NDUFA10: variants seen among roughly 807,000 people sequenced by gnomAD.
The protein encoded by NDUFA10 is NADH:ubiquinone oxidoreductase subunit A10.
NDUFA10 carries 40 observed loss-of-function variants against 47.8 expected under a neutral mutation model. The ratio of observed to expected loss-of-function variants is 0.84; its 90% confidence interval spans 0.65 to 1.09. The LOEUF (loss-of-function observed/expected upper bound fraction) is 1.09. Ranked by LOEUF, NDUFA10 falls within the 50% of genes least tolerant of loss-of-function variation. NDUFA10 has a pLI of 0.00. For missense variants in NDUFA10, 413 were observed against 451.1 expected (o/e 0.92, Z 0.76); for synonymous variants, 183 against 172.2 (o/e 1.06, Z -0.49).
At chr2:239,968,690 C>A (rs66597274) in intron 9 of NDUFA10, among the ~76,000 whole-genome samples, 1 of 152,068 alleles carries the variant, frequency 6.6e-6, no homozygotes, top group African/African-American at 2.4e-5. Flanking sequence ...GGGACCCACT[C>A]GGTCTCTGGC....
chr2:239,911,680 C>CGT (rs112686987), intron 4 of NDUFA10, among the ~76,000 whole-genome samples: 3,154 of 149,828 alleles, frequency 0.021, 74 homozygotes, highest in African/African-American at 0.059. Context: ...AGTGTGTGTG[C>CGT]GTGTGTGTGT....
intron 9 of NDUFA10, among the ~76,000 whole-genome samples, chr2:239,973,862 A>G (rs1695402546): frequency 6.6e-6 from 1 of 152,290 alleles, no homozygotes. Context: ...AAACATGTTC[A>G]TATATATTGC....
chr2:239,928,037 A>G lies in NDUFA10; in HGVS notation c.295-32723T>C, dbSNP rs1694094225. Among the ~76,000 whole-genome samples the G allele has an allele frequency of 6.7e-6, 1 of 148,304 alleles. No individual in the cohort carries two copies. Among genetic ancestry groups the G allele is most frequent in the South Asian group, 2.1e-4 (1 of 4,798 alleles). The stretch of plus-strand genomic sequence containing the variant: ...GTTAAAAGCAAAGACACAAAACACC[A>G]GTACCCAGGTAAAGAGCGACTGAAG... On this transcript the variant is annotated intron_variant, in intron 4 of 5. Transcript: ENST00000419408. This position sits in a 1 kb window ranked among gnomAD's most constrained non-coding sequence, Gnocchi z 4.3.
chr2:239,962,722 C>G (rs992908548), intron 9 of NDUFA10, among the ~76,000 whole-genome samples: 3 of 152,152 alleles, frequency 2.0e-5, no homozygotes, highest in Admixed American at 1.3e-4. Flanking sequence ...ATGGTGCCAG[C>G]ATCTGCTTCT....
intron 9 of NDUFA10, chr2:239,973,422 C>G (rs1695379562): frequency 2.3e-6 from 1 of 442,090 alleles, no homozygotes; most frequent in African/African-American, 2.1e-5. Flanking sequence ...TTAATAAAAA[C>G]ATCTCTGTTT....
intron 4 of NDUFA10, among the ~76,000 whole-genome samples, chr2:239,932,611 G>A (rs943848494): frequency 1.3e-5 from 2 of 151,062 alleles, no homozygotes; most frequent in South Asian, 2.1e-4. Context: ...ACGGAGTCTC[G>A]CTCTGTCGCC....
chr2:239,993,334 A>G (rs1696329651), intron 8 of NDUFA10, among the ~76,000 whole-genome samples: 1 of 152,262 alleles, frequency 6.6e-6, no homozygotes, highest in Non-Finnish European at 1.5e-5. Context: ...ACTAACAAAC[A>G]AGGATACCAT....
chr2:240,008,012 T>G lies in NDUFA10; in HGVS notation c.750-642A>C, dbSNP rs10201992. The stretch of plus-strand genomic sequence containing the variant: ...TTATTCTCATACTGAAATCAGCATC[T>G]GACCCCTACAATGGTACCAAACAAA... On this transcript the variant is annotated intron_variant, in intron 6 of 9. Coordinates refer to ENST00000252711, the MANE Select transcript of NDUFA10 (RefSeq NM_004544.4). Among the ~76,000 whole-genome samples the G allele has an allele frequency of 3.4e-3, 517 of 152,340 alleles. 5 individuals carry two copies. Among genetic ancestry groups the G allele is most frequent in the African/African-American group, 0.012 (504 of 41,582 alleles).
intron 4 of NDUFA10, among the ~76,000 whole-genome samples, chr2:239,933,725 T>C (rs1694216627): frequency 6.6e-6 from 1 of 151,870 alleles, no homozygotes; most frequent in Non-Finnish European, 1.5e-5. Context: ...ATCTAAGGAA[T>C]GATATGTAGG....
Position 240,014,818 on chromosome 2 carries a change from T to A in NDUFA10, c.590A>T (p.Asp197Val). The A allele has an allele frequency of 2.5e-6, 4 of 1,614,158 alleles. No individual in the cohort carries two copies. The highest frequency in any genetic ancestry group is 3.4e-6 in the Non-Finnish European group (4 of 1,180,018). Residue 197 changes from aspartate to valine, a missense_variant, in exon 5 of 10, where the codon GAT becomes GTT. Transcript: ENST00000252711. The part of the protein sequence containing the change: ...YNEVKSVTIC[D>V]YLPPHLVIYI... ...AATCACCAGGTGGGGGGGCAGGTAATCGCAGATGGTGACGCTCTTCACCTC... is the reference window on the plus strand; with the variant it reads ...AATCACCAGGTGGGGGGGCAGGTAAACGCAGATGGTGACGCTCTTCACCTC...
At chr2:239,926,841 G>A (rs1411585109) in intron 4 of NDUFA10, among the ~76,000 whole-genome samples, 1 of 152,158 alleles carries the variant, frequency 6.6e-6, no homozygotes, top group Non-Finnish European at 1.5e-5. Flanking sequence ...AAGGAAAGAG[G>A]TTTAATGGAC....
chr2:240,013,155 T>C (rs1372140767), intron 5 of NDUFA10: 1 of 152,240 alleles, frequency 6.6e-6, no homozygotes, highest in Non-Finnish European at 1.5e-5. Context: ...ACTGTTTTCT[T>C]AGAATCTAGA....
In NDUFA10 at chr2:239,947,977, C is replaced by T. The variant is rs552224988; in HGVS notation, c.294+42097G>A. 2.6e-5 allele frequency among the ~76,000 whole-genome samples: 4 copies of T among 152,282 alleles called. No individual in the cohort carries two copies. The South Asian group carries it at 8.3e-4, about 32-fold the overall frequency. ...TGGAGGTCACATGTGCATAGGTGGC[C>T]CTGCCCTTCAAGCTGGTCTTCCGAG... is the stretch of plus-strand genomic sequence containing the variant. On this transcript the variant is annotated intron_variant, in intron 4 of 5. Transcript: ENST00000419408.
chr2:240,019,818 C>CAAAAAAAAAAAA (rs60278142), intron 3 of NDUFA10, among the ~76,000 whole-genome samples: 4 of 12,208 alleles, frequency 3.3e-4, no homozygotes, highest in Admixed American at 1.3e-3. Flanking sequence ...GACTCCGTCT[C>CAAAAAAAAAAAA]AAAAAAAAAA....
intron 4 of NDUFA10, among the ~76,000 whole-genome samples, chr2:239,907,898 C>T (rs377093634): frequency 0.015 from 2,221 of 151,956 alleles, 66 homozygotes; most frequent in African/African-American, 0.051. Flanking sequence ...CATTACTGGG[C>T]ATATACCCAA....
At chr2:239,907,245 T>C (rs1286193134) in intron 4 of NDUFA10, among the ~76,000 whole-genome samples, 3 of 152,216 alleles carry the variant, frequency 2.0e-5, no homozygotes, top group Non-Finnish European at 4.4e-5. Flanking sequence ...TTACACCTTA[T>C]ACAAAAATTA....
intron 9 of NDUFA10, chr2:239,982,150 G>C (rs1214531121): frequency 6.2e-7 from 1 of 1,612,694 alleles, no homozygotes; most frequent in East Asian, 2.2e-5. Flanking sequence ...CACCTCCAAA[G>C]ACCAGTGAGA....
chr2:239,966,919 G>A (rs1695093787), intron 9 of NDUFA10, among the ~76,000 whole-genome samples: 1 of 144,714 alleles, frequency 6.9e-6, no homozygotes, highest in Non-Finnish European at 1.5e-5. Context: ...CACACGGCCA[G>A]TGTGTTCACA....
chr2:239,915,704 CACAG>C (rs1351176613), intron 4 of NDUFA10, among the ~76,000 whole-genome samples: 1 of 150,836 alleles, frequency 6.6e-6, no homozygotes, highest in Non-Finnish European at 1.5e-5. Flanking sequence ...CACATACATA[CACAG>C]ACATACACAA....
Sources: allele counts gnomAD v4.1 joint callset (sites outside exome capture counted in the v4.1 genomes callset), GRCh38; gene constraint gnomAD v4.1.1; non-coding constraint Gnocchi (gnomAD v3.1); transcripts MANE v1.5; gene names NCBI Gene and HGNC (gene_info 2026-07-23, HGNC 2026-07-21).